The following APC variants were observed in gnomAD, a reference collection of about 807,000 sequenced individuals.
APC encodes the protein adenomatous polyposis coli protein.
A neutral mutation model predicts 247.0 loss-of-function variants in APC; 72 were observed. The ratio of observed to expected loss-of-function variants is 0.29; its 90% CI spans 0.24 to 0.35. APC has a LOEUF of 0.35. Among genes scored for constraint, APC ranks in the 10% least tolerant of loss-of-function variants. The pLI is 1.00. For synonymous variants in APC, 1,254 were observed against 1,162.5 expected (o/e 1.08, Z -1.60); for missense variants, 3,400 against 3,360.7 (o/e 1.01, Z -0.29).
At chr5:112,747,823 T>C (rs1753860678) in intron 1 of APC, among the ~76,000 whole-genome samples, 1 of 152,170 alleles carries the variant, frequency 6.6e-6, no homozygotes, top group Non-Finnish European at 1.5e-5. Flanking sequence ...ATTTAGTATT[T>C]AAAAGTAAAA....
In APC at chr5:112,765,799, G is replaced by A. The variant is rs2464806; in HGVS notation, c.136-527G>A. On this transcript the variant is annotated intron_variant, in intron 2 of 15. Transcript: ENST00000257430. ...GAAGAAAAGCATCAAAAGTCAAGAA[G>A]TAGTGAACATACAGTCATTTGAATG... is the stretch of plus-strand genomic sequence containing the variant. Among the ~76,000 whole-genome samples the A allele has an allele frequency of 0.98, 149,639 of 152,314 alleles. 73,565 individuals are homozygous for A. The highest frequency in any genetic ancestry group is 1 in the Middle Eastern group (294 of 294).
chr5:112,715,044 T>A (rs1036111990), intron 1 of APC, among the ~76,000 whole-genome samples: 2 of 152,186 alleles, frequency 1.3e-5, no homozygotes, highest in African/African-American at 4.8e-5. Flanking sequence ...CATCAGTTAT[T>A]TTTGAATCCT....
At chr5:112,723,140 T>A (rs1380344730) in intron 1 of APC, among the ~76,000 whole-genome samples, 1 of 122,584 alleles carries the variant, frequency 8.2e-6, no homozygotes, top group African/African-American at 2.5e-5. Flanking sequence ...TGCCTCAACA[T>A]TATTAAAAAA....
At chr5:112,733,596 G>T (rs1272252088), upstream of APC, among the ~76,000 whole-genome samples, 1 of 152,188 alleles carries the variant, frequency 6.6e-6, no homozygotes, top group African/African-American at 2.4e-5. Context: ...CCCCCTTAGA[G>T]CCTCTAGAAA....
intron 2 of APC, among the ~76,000 whole-genome samples, chr5:112,759,309 A>G (rs1435158469): frequency 6.6e-6 from 1 of 151,870 alleles, no homozygotes; most frequent in Non-Finnish European, 1.5e-5. Flanking sequence ...TGGTATAACC[A>G]CAGCAGATTT....
intron 2 of APC, among the ~76,000 whole-genome samples, chr5:112,761,619 CAAAA>C (rs1406229902): frequency 1.3e-5 from 2 of 151,756 alleles, no homozygotes. Context: ...ATGGAAAAAA[CAAAA>C]AAGACAAAAC....
chr5:112,723,295 C>G lies in APC; in HGVS notation c.165+15413C>G, dbSNP rs530961414. Among the ~76,000 whole-genome samples the G allele has an allele frequency of 2.0e-5, 3 of 152,106 alleles. No individual in the cohort carries two copies. In the South Asian group the frequency reaches 6.2e-4, roughly 32 times the overall value. On this transcript the variant is annotated intron_variant, in intron 1 of 13. Transcript: ENST00000507379. ...TGGGCAACATGGAGAGGCCCTGCCTCTACAAAAAATAAAAAAATTAGTTGG... is the reference window on the plus strand; with the variant it reads ...TGGGCAACATGGAGAGGCCCTGCCTGTACAAAAAATAAAAAAATTAGTTGG...
At chr5:112,814,856 T>C (rs1396987677) in intron 8 of APC, among the ~76,000 whole-genome samples, 3 of 152,242 alleles carry the variant, frequency 2.0e-5, no homozygotes, top group Non-Finnish European at 2.9e-5. Context: ...TTTGTACCTT[T>C]GCACAGTCTC....
At chr5:112,822,108 C>G in intron 11 of APC, 117 bp downstream of exon 11, 1 of 726,744 alleles carries the variant, frequency 1.4e-6, no homozygotes, top group Non-Finnish European at 2.3e-6. Context: ...GGATATAAGG[C>G]CACCAACTTC....
chr5:112,787,575 A>G (rs1759108790), intron 6 of APC, among the ~76,000 whole-genome samples: 1 of 152,150 alleles, frequency 6.6e-6, no homozygotes, highest in Non-Finnish European at 1.5e-5. Context: ...GAAAATATTT[A>G]TTAGATTTTG....
chr5:112,837,521 C>T (rs776219740), intron 15 of APC, 32 bp from the exon 16 acceptor site: 54 of 1,555,436 alleles, frequency 3.5e-5, no homozygotes, highest in Non-Finnish European at 4.7e-5. Flanking sequence ...ACATTGTGAC[C>T]TTAATTTTGT....
At chr5:112,756,099 G>T (rs1265371137) in intron 2 of APC, among the ~76,000 whole-genome samples, 1 of 152,002 alleles carries the variant, frequency 6.6e-6, no homozygotes, top group Non-Finnish European at 1.5e-5. Context: ...TTCTATCCTA[G>T]TTTTTTTCCT....
intron 4 of APC, among the ~76,000 whole-genome samples, chr5:112,774,284 A>G (rs1402880316): frequency 6.6e-6 from 1 of 152,138 alleles, no homozygotes; most frequent in Non-Finnish European, 1.5e-5. Context: ...AATTCTCCAA[A>G]ATCCTAAAGT....
chr5:112,813,749 C>T (rs1399919314), intron 8 of APC, among the ~76,000 whole-genome samples: 1 of 143,506 alleles, frequency 7.0e-6, no homozygotes, highest in Non-Finnish European at 1.5e-5. Flanking sequence ...GAAACCTTGT[C>T]TCTAAAAAAA....
intron 6 of APC, among the ~76,000 whole-genome samples, chr5:112,782,347 A>G (rs978027852): frequency 2.6e-5 from 4 of 152,188 alleles, no homozygotes; most frequent in Non-Finnish European, 5.9e-5. Context: ...GAGCTGCAAG[A>G]TGAGATTTGG....
Position 112,754,867 on chromosome 5 carries a change from T to G in APC, c.-18-6T>G, listed in dbSNP as rs1229678093. Reference sequence around the variant, plus strand: ...GTGAATTTCAAAATCCTTTTTAACCTTATAGGTCCAAGGGTAGCCAAGGAT... The same window carrying G: ...GTGAATTTCAAAATCCTTTTTAACCGTATAGGTCCAAGGGTAGCCAAGGAT... On this transcript the variant is annotated splice_region_variant and splice_polypyrimidine_tract_variant and intron_variant, in intron 1 of 15. Transcript: ENST00000257430. The G allele has an allele frequency of 1.2e-6, 2 of 1,613,196 alleles. No individual in the cohort carries two copies. The highest frequency in any genetic ancestry group is 1.7e-6 in the Non-Finnish European group (2 of 1,179,398).
intron 11 of APC, among the ~76,000 whole-genome samples, chr5:112,826,710 A>T (rs2149806637): frequency 6.6e-6 from 1 of 151,858 alleles, no homozygotes; most frequent in East Asian, 1.9e-4. Flanking sequence ...GCCACAGTGT[A>T]TGACAATAAA....
At chr5:112,741,385 T>C (rs1752997687) in intron 1 of APC, among the ~76,000 whole-genome samples, 1 of 152,218 alleles carries the variant, frequency 6.6e-6, no homozygotes, top group African/African-American at 2.4e-5. Flanking sequence ...AAGTACTAAG[T>C]ATCTTGAATG....
At chr5:112,773,810 A>G (rs1722469940) in intron 4 of APC, among the ~76,000 whole-genome samples, 1 of 152,228 alleles carries the variant, frequency 6.6e-6, no homozygotes, top group Admixed American at 6.5e-5. Flanking sequence ...CCTACAAATA[A>G]GAAAAATCAC....
Sources: gnomAD v4.1 joint callset for allele counts (sites outside exome capture counted in the v4.1 genomes callset) on GRCh38, gnomAD v4.1.1 for gene constraint, MANE v1.5 for transcripts, NCBI Gene and HGNC (gene_info 2026-07-23, HGNC 2026-07-21) for gene names.